KIAA1958: variants seen among roughly 807,000 people sequenced by gnomAD.
KIAA1958 encodes uncharacterized protein KIAA1958.
In KIAA1958, 14 loss-of-function variants were observed where a neutral mutation model predicts 47.2. The ratio of observed to expected loss-of-function variants is 0.30; its 90% CI spans 0.20 to 0.46. The LOEUF is 0.46. KIAA1958 is among the 20% of genes least tolerant of loss of function. KIAA1958 has a pLI of 1.00. For synonymous variants in KIAA1958, 354 were observed against 353.3 expected, an observed-to-expected ratio of 1.00 and a Z score of -0.02; for missense variants, 803 against 909.2, an observed-to-expected ratio of 0.88 and a Z score of 1.50.
intron 1 of KIAA1958, among the ~76,000 whole-genome samples, chr9:112,512,542 C>T (rs1834340003): frequency 6.6e-6 from 1 of 152,196 alleles, no homozygotes; most frequent in African/African-American, 2.4e-5. Context: ...CTACAGCTAA[C>T]TTCATGTTTA....
intron 2 of KIAA1958, among the ~76,000 whole-genome samples, chr9:112,621,337 C>T (rs1347399284): frequency 1.3e-5 from 2 of 152,190 alleles, no homozygotes; most frequent in Non-Finnish European, 2.9e-5. Flanking sequence ...TTTAAGGGAA[C>T]TCTTAAACTC....
chr9:112,659,782 TC>T lies in KIAA1958; in HGVS notation c.1867del (p.Arg623GlyfsTer32). The T allele has an allele frequency of 6.2e-7, 1 of 1,614,060 alleles. No individual in the cohort carries two copies. The highest frequency in any genetic ancestry group is 2.2e-5 in the East Asian group (1 of 44,864). The part of the protein sequence containing the change: ...VCHGKIYHEH[S>X]RGHKQCPYCL... ...TCACGGGAAGATCTACCATGAGCATTCCCGGGGACACAAACAGTGCCCTTAC... is the reference window on the plus strand; with the variant it reads ...TCACGGGAAGATCTACCATGAGCATTCCGGGGACACAAACAGTGCCCTTAC... On this transcript the variant is annotated frameshift_variant, in exon 4 of 4. Transcript: ENST00000337530. LOFTEE classifies it high-confidence loss of function.
chr9:112,589,131 A>G (rs1435549698), intron 2 of KIAA1958, among the ~76,000 whole-genome samples: 14 of 152,226 alleles, frequency 9.2e-5, no homozygotes, highest in Non-Finnish European at 2.1e-4. Context: ...TGCAAGGGTT[A>G]TAGCTACAAA....
intron 1 of KIAA1958, among the ~76,000 whole-genome samples, chr9:112,534,630 G>A (rs985816692): frequency 6.6e-5 from 10 of 151,262 alleles, no homozygotes; most frequent in Middle Eastern, 3.2e-3. Flanking sequence ...TGCAACCTCC[G>A]CCTCCCGGGT....
chr9:112,609,432 G>C (rs1363143181), intron 2 of KIAA1958, among the ~76,000 whole-genome samples: 1 of 152,128 alleles, frequency 6.6e-6, no homozygotes, highest in Non-Finnish European at 1.5e-5. Context: ...GTAAATATAG[G>C]AATTTACTGT....
chr9:112,553,680 G>A (rs1353793044), intron 1 of KIAA1958, among the ~76,000 whole-genome samples: 3 of 152,010 alleles, frequency 2.0e-5, no homozygotes, highest in Non-Finnish European at 4.4e-5. Flanking sequence ...ATTTCTCAGG[G>A]GAGCCTTTGA....
chr9:112,518,176 C>G (rs566911724), intron 1 of KIAA1958, among the ~76,000 whole-genome samples: 2 of 151,834 alleles, frequency 1.3e-5, no homozygotes, highest in East Asian at 3.9e-4. Flanking sequence ...GACCTTGACT[C>G]TTAAAAAATT....
At chr9:112,569,333 A>G (rs1835490821) in intron 1 of KIAA1958, among the ~76,000 whole-genome samples, 1 of 152,236 alleles carries the variant, frequency 6.6e-6, no homozygotes. Context: ...TGAAACAGCA[A>G]CACCATTGCA....
intron 2 of KIAA1958, among the ~76,000 whole-genome samples, chr9:112,626,228 A>G (rs1276943028): frequency 1.3e-5 from 2 of 152,208 alleles, no homozygotes; most frequent in Non-Finnish European, 2.9e-5. Context: ...AATTATTTGT[A>G]TTTCTCATCT....
At chr9:112,624,726 T>C (rs995607921) in intron 2 of KIAA1958, among the ~76,000 whole-genome samples, 3 of 152,228 alleles carry the variant, frequency 2.0e-5, no homozygotes, top group African/African-American at 7.2e-5. Flanking sequence ...TGAGTTCTTA[T>C]GTAAACAATG....
intron 1 of KIAA1958, among the ~76,000 whole-genome samples, chr9:112,533,138 A>G (rs1463979532): frequency 1.3e-5 from 2 of 152,154 alleles, no homozygotes; most frequent in South Asian, 4.1e-4. Context: ...ACTCAATAGT[A>G]TGTCCACTTT....
At chr9:112,583,339 C>T (rs921411918) in intron 2 of KIAA1958, among the ~76,000 whole-genome samples, 3 of 152,080 alleles carry the variant, frequency 2.0e-5, no homozygotes, top group African/African-American at 4.8e-5. Flanking sequence ...TTAAGTATTC[C>T]AAGTGTTATT....
chr9:112,654,080 A>C (rs1353183374), intron 3 of KIAA1958, among the ~76,000 whole-genome samples: 1 of 152,114 alleles, frequency 6.6e-6, no homozygotes, highest in Non-Finnish European at 1.5e-5. Flanking sequence ...CTCATTGCCA[A>C]AGGGTGTGTG....
chr9:112,660,321 T>C lies in KIAA1958; in HGVS notation c.*252T>C. 1 of 522,912 alleles carries C rather than the reference T, an allele frequency of 1.9e-6. No individual in the cohort carries two copies. The highest frequency in any genetic ancestry group is 3.4e-6 in the Non-Finnish European group (1 of 291,346). 32.4% of individuals were successfully genotyped at this position (522,912 alleles called of 1,614,324 possible). A position where few individuals can be genotyped will look rare whatever the true frequency, so the allele number is the denominator to read the frequency against. ...AGCTTTTAGAATCTAACACAATGTA[T>C]AATTGTTACATACAAGAGTGAGGAA... On this transcript the variant is annotated 3_prime_UTR_variant, in exon 4 of 4. Coordinates refer to ENST00000337530, the MANE Select transcript of KIAA1958 (RefSeq NM_133465.4).
chr9:112,590,692 C>T (rs1277360474), intron 2 of KIAA1958, among the ~76,000 whole-genome samples: 1 of 152,036 alleles, frequency 6.6e-6, no homozygotes, highest in Non-Finnish European at 1.5e-5. Flanking sequence ...TGGCAGACCT[C>T]AGAACATTTC....
chr9:112,580,808 A>G (rs1346220463), intron 2 of KIAA1958, among the ~76,000 whole-genome samples: 1 of 151,912 alleles, frequency 6.6e-6, no homozygotes, highest in African/African-American at 2.4e-5. Flanking sequence ...ACACAAAGAA[A>G]GAAACAAGAC....
intron 2 of KIAA1958, among the ~76,000 whole-genome samples, chr9:112,580,455 C>A (rs1672136017): frequency 1.3e-5 from 2 of 151,924 alleles, no homozygotes; most frequent in African/African-American, 4.8e-5. Flanking sequence ...TTATATATTT[C>A]TTTATTCCAT....
intron 1 of KIAA1958, among the ~76,000 whole-genome samples, chr9:112,539,892 T>G (rs766729132): frequency 6.6e-6 from 1 of 152,062 alleles, no homozygotes; most frequent in Non-Finnish European, 1.5e-5. Context: ...GGTTTCACCA[T>G]GTTGGCCAGG....
intron 1 of KIAA1958, among the ~76,000 whole-genome samples, chr9:112,535,463 T>G (rs1486690911): frequency 1.3e-5 from 2 of 151,252 alleles, no homozygotes; most frequent in African/African-American, 4.9e-5. Flanking sequence ...AATATACCAT[T>G]TTTTTTTTAT....
Sources: allele counts gnomAD v4.1 joint callset (sites outside exome capture counted in the v4.1 genomes callset), GRCh38; gene constraint gnomAD v4.1.1; transcripts MANE v1.5; gene names NCBI Gene and HGNC (gene_info 2026-07-23, HGNC 2026-07-21).